ABHD6: variants seen among roughly 807,000 people sequenced by gnomAD.
ABHD6 encodes the protein abhydrolase domain containing 6, acylglycerol lipase.
Under a neutral mutation model 38.8 loss-of-function variants are expected in ABHD6, and 33 were observed. The observed-to-expected ratio is 0.85, with a 90% confidence interval of 0.64 to 1.14. The LOEUF is 1.14. ABHD6 is among the 50% of genes most tolerant of loss of function. ABHD6 has a pLI of 0.00. For missense variants in ABHD6, 380 were observed against 422.6 expected, an observed-to-expected ratio of 0.90 and a Z score of 0.88; for synonymous variants, 147 against 161.6, an observed-to-expected ratio of 0.91 and a Z score of 0.69.
chr3:58,290,276 C>T (rs1408926176), intron 9 of ABHD6, among the ~76,000 whole-genome samples: 5 of 133,736 alleles, frequency 3.7e-5, no homozygotes, highest in African/African-American at 5.6e-5. Context: ...CCAGACGGGG[C>T]GGCTGGCCGG....
At position 58,256,106 on chromosome 3, in the gene ABHD6, CACAT is replaced by C. The variant is rs768616984; in HGVS notation, c.-25-452_-25-449del. Among the ~76,000 whole-genome samples the C allele has an allele frequency of 0.021, 1,284 of 60,092 alleles. 21 individuals carry two copies. Among genetic ancestry groups the C allele is most frequent in the East Asian group, 0.12 (304 of 2,634 alleles). 39.4% of individuals were successfully genotyped at this position (60,092 alleles called of 152,430 possible). A position where few individuals can be genotyped will look rare whatever the true frequency, so the allele number is the denominator to read the frequency against. On this transcript the variant is annotated intron_variant, in intron 2 of 9. Transcript: ENST00000478253. This position sits in a 1 kb window ranked among gnomAD's most constrained non-coding sequence, Gnocchi z 4.3. ...ACACACACACACACACACACACACACACATACACACACTACTTTTTCTCTCCTGA... is the reference window on the plus strand; with the variant it reads ...ACACACACACACACACACACACACACACACACACTACTTTTTCTCTCCTGA...
chr3:58,277,839 A>G (rs542674570), intron 7 of ABHD6, among the ~76,000 whole-genome samples: 1 of 152,308 alleles, frequency 6.6e-6, no homozygotes, highest in Non-Finnish European at 1.5e-5. Context: ...AATTTTGTCA[A>G]AGGCCTTTTC....
At position 58,290,763 on chromosome 3, in the gene ABHD6, T is replaced by C. The variant is rs1320628349; in HGVS notation, c.838-2826T>C. On this transcript the variant is annotated intron_variant, in intron 9 of 9. Transcript: ENST00000478253. ...ACGGGCCGGCGGGGCAAAGGCGCTC[T>C]CCACATCTCAGACAATGGGCGGCCG... Among the ~76,000 whole-genome samples the C allele has an allele frequency of 4.7e-5, 7 of 149,594 alleles. No individual in the cohort carries two copies. The South Asian group carries it at 1.1e-3, about 23-fold the overall frequency.
Position 58,249,912 on chromosome 3 carries a change from A to G in ABHD6, c.-56A>G, listed in dbSNP as rs1416420938. The G allele has an allele frequency of 2.0e-5, 3 of 152,214 alleles. No individual in the cohort carries two copies. The East Asian group carries it at 5.8e-4, about 29-fold the overall frequency. The allele number at this position is 152,214 out of a possible 1,614,324, so 9.4% of individuals were successfully genotyped here. On this transcript the variant is annotated 5_prime_UTR_variant, in exon 2 of 10. Coordinates refer to ENST00000478253, the MANE Select transcript of ABHD6 (RefSeq NM_001320126.2). ...TTCAGCTTCTGCCAGAGCCAGTAGC[A>G]GTTGGGAAAGAAGGCTGTGCTCTTT... is the stretch of plus-strand genomic sequence containing the variant.
rs911378352 is a variant in ABHD6, at chr3:58,257,763, A to G, written c.119+1058A>G. 1.3e-5 allele frequency among the ~76,000 whole-genome samples: 2 copies of G among 152,222 alleles called. No individual in the cohort carries two copies. The highest frequency in any genetic ancestry group is 1.3e-4 in the Admixed American group (2 of 15,280). On this transcript the variant is annotated intron_variant, in intron 3 of 9. Coordinates refer to ENST00000478253, the MANE Select transcript of ABHD6 (RefSeq NM_001320126.2). The surrounding 1 kb of genome is among the most constrained non-coding windows in gnomAD (Gnocchi z 4.8). ...GAACCATTGAGATGGCATGTTTAGG[A>G]CAGAATGCTTTTAGAGTTGTTCTAG...
rs1305040988 is a variant in ABHD6, at chr3:58,287,576, G to A, written c.837+2123G>A. On this transcript the variant is annotated intron_variant, in intron 9 of 9. Coordinates refer to ENST00000478253, the MANE Select transcript of ABHD6 (RefSeq NM_001320126.2). This position sits in a 1 kb window ranked among gnomAD's most constrained non-coding sequence, Gnocchi z 4.7. ...CTCTCTTCTGCAGCGCCAAGGGACT[G>A]AAAGAAGCTTTGTTTGTGCCCTGGG... 6.6e-6 allele frequency among the ~76,000 whole-genome samples: 1 copy of A among 152,230 alleles called. No individual in the cohort carries two copies. The highest frequency in any genetic ancestry group is 2.4e-5 in the African/African-American group (1 of 41,466).
intron 1 of ABHD6, among the ~76,000 whole-genome samples, chr3:58,243,713 C>T (rs754769017): frequency 4.0e-5 from 6 of 151,482 alleles, no homozygotes; most frequent in Non-Finnish European, 8.8e-5. Context: ...CAGGCTGGAG[C>T]GCAGTGGCAC....
At chr3:58,274,931 T>C in intron 7 of ABHD6, 116 bp downstream of exon 7, 1 of 1,272,848 alleles carries the variant, frequency 7.9e-7, no homozygotes, top group Non-Finnish European at 1.1e-6. Flanking sequence ...TGTCCTCTTC[T>C]GCATATATTC....
At chr3:58,242,063 G>A (rs771183796) in intron 1 of ABHD6, among the ~76,000 whole-genome samples, 7 of 152,192 alleles carry the variant, frequency 4.6e-5, no homozygotes, top group Non-Finnish European at 1.0e-4. Flanking sequence ...AAGACTTTTA[G>A]GATGGGCTGG....
intron 7 of ABHD6, among the ~76,000 whole-genome samples, chr3:58,279,076 T>C (rs920707366): frequency 6.6e-6 from 1 of 152,232 alleles, no homozygotes; most frequent in African/African-American, 2.4e-5. Flanking sequence ...ATGTATATTC[T>C]GTTGATTTGG....
chr3:58,243,352 T>C (rs1385567185), intron 1 of ABHD6, among the ~76,000 whole-genome samples: 1 of 152,186 alleles, frequency 6.6e-6, no homozygotes, highest in Non-Finnish European at 1.5e-5. Flanking sequence ...AGTGTTCTTA[T>C]CACGAGATAC....
At chr3:58,290,131 C>A (rs2097460890) in intron 9 of ABHD6, among the ~76,000 whole-genome samples, 1 of 118,916 alleles carries the variant, frequency 8.4e-6, no homozygotes, top group African/African-American at 3.7e-5. Flanking sequence ...AGAGGCGCCC[C>A]TCACCTCCCG....
chr3:58,266,573 A>G lies in ABHD6; in HGVS notation c.120-616A>G, dbSNP rs1268882929. Among the ~76,000 whole-genome samples the G allele has an allele frequency of 6.6e-6, 1 of 152,180 alleles. No homozygotes were observed. Reference sequence around the variant, plus strand: ...TTATTTTACACAAAGAGTTAAGACCAGTCAGTTTAGGTTATTTGCTTTTGC... The same window carrying G: ...TTATTTTACACAAAGAGTTAAGACCGGTCAGTTTAGGTTATTTGCTTTTGC... On this transcript the variant is annotated intron_variant, in intron 3 of 9. Coordinates refer to ENST00000478253, the MANE Select transcript of ABHD6 (RefSeq NM_001320126.2). This position sits in a 1 kb window ranked among gnomAD's most constrained non-coding sequence, Gnocchi z 4.0.
At chr3:58,250,937 C>G (rs1173604348) in intron 2 of ABHD6, among the ~76,000 whole-genome samples, 1 of 152,164 alleles carries the variant, frequency 6.6e-6, no homozygotes, top group African/African-American at 2.4e-5. Context: ...GCCTCTTCAC[C>G]TTTGCCTAAC....
intron 2 of ABHD6, among the ~76,000 whole-genome samples, chr3:58,253,712 C>T (rs537872098): frequency 1.1e-4 from 16 of 152,194 alleles, no homozygotes; most frequent in Non-Finnish European, 2.2e-4. Flanking sequence ...TTGTCCCTAC[C>T]CTCAAGGAGC....
In ABHD6 at chr3:58,285,449, A is replaced by G. The variant is rs1443248083; in HGVS notation, c.833A>G (p.Asp278Gly). 6.2e-7 allele frequency: 1 copy of G among 1,613,798 alleles called. No homozygotes were observed. The highest frequency in any genetic ancestry group is 8.5e-7 in the Non-Finnish European group (1 of 1,179,672). The change falls in exon 9 of 10, where the codon GAC (aspartate) becomes GGC (glycine). Residue 278 changes from aspartate to glycine, a missense_variant. Coordinates refer to ENST00000478253, the MANE Select transcript of ABHD6 (RefSeq NM_001320126.2). This position sits in a 1 kb window ranked among gnomAD's most constrained non-coding sequence, Gnocchi z 4.9. ...VPTQIIWGKQ[D>G]QVLDVSGADM... ...ACGCAGATCATCTGGGGGAAACAAG[A>G]CCAGGTATGTAACACATCCCCGCGG...
chr3:58,248,857 G>T (rs1225224552), intron 1 of ABHD6, among the ~76,000 whole-genome samples: 2 of 152,186 alleles, frequency 1.3e-5, no homozygotes, highest in African/African-American at 2.4e-5. Context: ...CAGCAGCACA[G>T]TCTGTATTAA....
At chr3:58,241,172 A>G (rs1397643139) in intron 1 of ABHD6, among the ~76,000 whole-genome samples, 1 of 152,222 alleles carries the variant, frequency 6.6e-6, no homozygotes, top group African/African-American at 2.4e-5. Flanking sequence ...TATGGCCTCC[A>G]GTGTCACTTG....
rs1308677615 is a variant in ABHD6 at position 58,269,734 on chromosome 3, G to T, written c.390+300G>T. On this transcript the variant is annotated intron_variant, in intron 5 of 9. Transcript: ENST00000478253. This position sits in a 1 kb window ranked among gnomAD's most constrained non-coding sequence, Gnocchi z 4.4. The stretch of plus-strand genomic sequence containing the variant: ...TCTTAAAACCAATTCCCTTCCTAGG[G>T]ATCTCTCTTTCTGCTCACCAGTTAT... Among the ~76,000 whole-genome samples the T allele has an allele frequency of 2.0e-5, 3 of 152,194 alleles. No homozygotes were observed. The highest frequency in any genetic ancestry group is 7.2e-5 in the African/African-American group (3 of 41,458).
Sources: allele counts gnomAD v4.1 joint callset (sites outside exome capture counted in the v4.1 genomes callset), GRCh38; gene constraint gnomAD v4.1.1; non-coding constraint Gnocchi (gnomAD v3.1); transcripts MANE v1.5; gene names NCBI Gene and HGNC (gene_info 2026-07-23, HGNC 2026-07-21).